Variants in PUM3 observed in about 807,000 individuals in gnomAD.
PUM3 encodes the protein pumilio RNA binding family member 3.
PUM3 carries 91 observed loss-of-function variants against 84.0 expected under a neutral mutation model. The ratio of observed to expected loss-of-function variants is 1.08; its 90% CI spans 0.91 to 1.29. PUM3 has a LOEUF of 1.29. PUM3 is among the 50% of genes most tolerant of loss of function. PUM3 has a pLI of 0.00. For synonymous variants in PUM3, 321 were observed against 266.7 expected (o/e 1.20, Z -1.98); for missense variants, 1,067 against 767.5 (o/e 1.39, Z -4.61).
rs1462036234 is a variant in PUM3 at position 2,812,172 on chromosome 9, A to T, written c.1412+48T>A. On this transcript the variant is annotated intron_variant, in intron 14 of 17. Coordinates refer to ENST00000397885, the MANE Select transcript of PUM3 (RefSeq NM_014878.5). ...GGACTTCTGGAAGAATGCACTACTCAACATTAACAGAGGAATAAAGAAGTC... is the reference window on the plus strand; with the variant it reads ...GGACTTCTGGAAGAATGCACTACTCTACATTAACAGAGGAATAAAGAAGTC... The T allele has an allele frequency of 4.5e-6, 7 of 1,546,838 alleles. No individual in the cohort carries two copies. The South Asian group carries it at 5.6e-5, about 12-fold the overall frequency.
At position 2,820,008 on chromosome 9, in the gene PUM3, G is replaced by C. The variant is rs773045752; in HGVS notation, c.1269+10C>G. On this transcript the variant is annotated intron_variant, in intron 13 of 17. Coordinates refer to ENST00000397885, the MANE Select transcript of PUM3 (RefSeq NM_014878.5). Reference sequence around the variant, plus strand: ...TGTAACTTAAATTCAAGACCATCAGGATTACTTACTGATATGATTATCTGC... The same window carrying C: ...TGTAACTTAAATTCAAGACCATCAGCATTACTTACTGATATGATTATCTGC... The C allele has an allele frequency of 2.3e-5, 36 of 1,563,814 alleles. No homozygotes were observed. Among genetic ancestry groups the C allele is most frequent in the Non-Finnish European group, 3.1e-5 (35 of 1,135,608 alleles).
chr9:2,820,141 A>G, intron 12 of PUM3, 43 bp from the exon 13 acceptor site: 1 of 1,201,608 alleles, frequency 8.3e-7, no homozygotes, highest in Non-Finnish European at 1.2e-6. Context: ...ACAAGTGCAT[A>G]GATCTTCCCT....
intron 5 of PUM3, among the ~76,000 whole-genome samples, chr9:2,832,603 T>C (rs930608311): frequency 6.6e-6 from 1 of 152,158 alleles, no homozygotes; most frequent in South Asian, 2.1e-4. Context: ...CTCAGGGTAG[T>C]TGAGAAAGAA....
intron 9 of PUM3, among the ~76,000 whole-genome samples, chr9:2,827,450 C>T (rs994804100): frequency 1.2e-4 from 18 of 152,198 alleles, no homozygotes; most frequent in African/African-American, 4.3e-4. Context: ...AGGACATCTA[C>T]ATTTTTTCCC....
intron 17 of PUM3, 79 bp from the exon 18 acceptor site, chr9:2,804,542 A>C (rs369088640): frequency 3.8e-6 from 5 of 1,319,752 alleles, no homozygotes; most frequent in Non-Finnish European, 5.2e-6. Context: ...AGTAAAAAAG[A>C]CTTTGTTAAC....
chr9:2,826,310 T>C (rs1815818557), intron 10 of PUM3, among the ~76,000 whole-genome samples: 1 of 152,218 alleles, frequency 6.6e-6, no homozygotes, highest in African/African-American at 2.4e-5. Flanking sequence ...CGTGGGATAC[T>C]GTATTTTTCA....
In PUM3 at chr9:2,807,872, C is replaced by T. The variant is rs569177421; in HGVS notation, c.1756G>A (p.Gly586Ser). 5 of 1,613,410 alleles carry T rather than the reference C, an allele frequency of 3.1e-6. No homozygotes were observed. In the African/African-American group the frequency reaches 6.7e-5, roughly 22 times the overall value. ...CFAKTLVEHV[G>S]MKNLKSWASV... Reference sequence around the variant, plus strand: ...GCCCAGGACTTCAGGTTCTTCATACCAACATGCTCTACAAGTGTTTTTGCA... The same window carrying T: ...GCCCAGGACTTCAGGTTCTTCATACTAACATGCTCTACAAGTGTTTTTGCA... The change falls in exon 17 of 18, where the codon GGT becomes AGT. Residue 586 changes from glycine (G) to serine (S), a missense_variant. Transcript: ENST00000397885.
chr9:2,828,792 A>G lies in PUM3; in HGVS notation c.853-14T>C. On this transcript the variant is annotated splice_polypyrimidine_tract_variant and intron_variant, in intron 8 of 17. Coordinates refer to ENST00000397885, the MANE Select transcript of PUM3 (RefSeq NM_014878.5). ...GTGATCTGCTGACTGCAACAAAACA[A>G]AACAATCAAACCCCTCTAAATTTAA... 3.0e-6 allele frequency: 4 copies of G among 1,320,002 alleles called. No homozygotes were observed. Among genetic ancestry groups the G allele is most frequent in the Admixed American group, 1.7e-5 (1 of 58,774 alleles). 81.8% of individuals were successfully genotyped at this position (1,320,002 alleles called of 1,614,324 possible). A position where few individuals can be genotyped will look rare whatever the true frequency, so the allele number is the denominator to read the frequency against.
chr9:2,832,696 G>A (rs1020428075), intron 5 of PUM3, among the ~76,000 whole-genome samples: 1 of 152,146 alleles, frequency 6.6e-6, no homozygotes, highest in African/African-American at 2.4e-5. Context: ...ATAAGAAAGC[G>A]GCAGCTGATG....
At chr9:2,834,253 A>G (rs1402121828) in intron 3 of PUM3, 87 bp from the exon 4 acceptor site, 1 of 1,099,874 alleles carries the variant, frequency 9.1e-7, no homozygotes, top group Non-Finnish European at 1.3e-6. Flanking sequence ...GGCAATCACT[A>G]ATCAGGATCA....
chr9:2,832,384 C>G (rs1034109182), intron 5 of PUM3, among the ~76,000 whole-genome samples: 1 of 152,136 alleles, frequency 6.6e-6, no homozygotes, highest in African/African-American at 2.4e-5. Context: ...TCTTACTTCC[C>G]TGAGTCCCAG....
At chr9:2,814,447 G>A (rs1821432218) in intron 13 of PUM3, among the ~76,000 whole-genome samples, 1 of 152,078 alleles carries the variant, frequency 6.6e-6, no homozygotes, top group South Asian at 2.1e-4. Context: ...CTAACCTTAG[G>A]TGATCCACCC....
chr9:2,840,683 G>A (rs1816244839), intron 1 of PUM3, among the ~76,000 whole-genome samples: 1 of 152,172 alleles, frequency 6.6e-6, no homozygotes, highest in African/African-American at 2.4e-5. Flanking sequence ...GCTAGCTCCA[G>A]CCAGGGGGAA....
At chr9:2,840,467 C>T (rs1189395315) in intron 1 of PUM3, among the ~76,000 whole-genome samples, 2 of 152,108 alleles carry the variant, frequency 1.3e-5, no homozygotes, top group South Asian at 2.1e-4. Flanking sequence ...TAGCATTTGT[C>T]GGTGGATATC....
At chr9:2,818,711 C>G (rs1821523332) in intron 13 of PUM3, among the ~76,000 whole-genome samples, 1 of 152,204 alleles carries the variant, frequency 6.6e-6, no homozygotes, top group Non-Finnish European at 1.5e-5. Flanking sequence ...GTCTTGCCAA[C>G]TTGTTTCTTC....
chr9:2,804,506 T>C, intron 17 of PUM3, 43 bp from the exon 18 acceptor site: 1 of 1,585,162 alleles, frequency 6.3e-7, no homozygotes, highest in South Asian at 1.1e-5. Flanking sequence ...CATTCCTAGA[T>C]CATCTCCAAT....
chr9:2,811,663 A>C lies in PUM3; in HGVS notation c.1413-80T>G, dbSNP rs1175208331. On this transcript the variant is annotated intron_variant, in intron 14 of 17. Transcript: ENST00000397885. ...GGTGATATTATCACAAAAACCTCTAAGAGCTTATCACAGACTGTATCGCAC... is the reference window on the plus strand; with the variant it reads ...GGTGATATTATCACAAAAACCTCTACGAGCTTATCACAGACTGTATCGCAC... 12 of 973,820 alleles carry C rather than the reference A, an allele frequency of 1.2e-5. No individual in the cohort carries two copies. The East Asian group carries it at 2.9e-4, about 23-fold the overall frequency. 60.3% of individuals were successfully genotyped at this position (973,820 alleles called of 1,614,324 possible).
chr9:2,841,690 C>T (rs1816270959), intron 1 of PUM3, among the ~76,000 whole-genome samples: 1 of 151,350 alleles, frequency 6.6e-6, no homozygotes, highest in South Asian at 2.1e-4. Context: ...GTGTATTCTG[C>T]CTGCAGCAAT....
chr9:2,813,821 A>C (rs1309716673), intron 13 of PUM3, among the ~76,000 whole-genome samples: 3 of 152,114 alleles, frequency 2.0e-5, no homozygotes, highest in Non-Finnish European at 1.5e-5. Context: ...TTTTTTGCAC[A>C]AAAGTATAGC....
Sources: gnomAD v4.1 joint callset for allele counts (sites outside exome capture counted in the v4.1 genomes callset) on GRCh38, gnomAD v4.1.1 for gene constraint, MANE v1.5 for transcripts, NCBI Gene and HGNC (gene_info 2026-07-23, HGNC 2026-07-21) for gene names.